Variants in ENOX1 observed in about 807,000 individuals in gnomAD.
ENOX1 encodes the protein candidate growth-related and time keeping constitutive hydroquinone (NADH) oxidase.
In ENOX1, 42 loss-of-function variants were observed where a neutral mutation model predicts 82.5. The observed-to-expected ratio is 0.51, with a 90% CI of 0.40 to 0.66. ENOX1 has a LOEUF of 0.66. Among genes scored for constraint, ENOX1 ranks in the 30% least tolerant of loss-of-function variants. The pLI is 0.00. For synonymous variants in ENOX1, 271 were observed against 282.2 expected, an observed-to-expected ratio of 0.96 and a Z score of 0.40; for missense variants, 608 against 811.6, an observed-to-expected ratio of 0.75 and a Z score of 3.05.
chr13:43,486,221 C>A (rs527245389), intron 2 of ENOX1, among the ~76,000 whole-genome samples: 1 of 151,718 alleles, frequency 6.6e-6, no homozygotes, highest in African/African-American at 2.4e-5. Flanking sequence ...AAAACAAAAA[C>A]AAAAAACAAA....
intron 12 of ENOX1, among the ~76,000 whole-genome samples, chr13:43,282,944 T>C (rs543324004): frequency 3.3e-5 from 5 of 151,788 alleles, no homozygotes; most frequent in African/African-American, 9.7e-5. Context: ...AATACAAAAT[T>C]AGCTGGGCAT....
At position 43,530,307 on chromosome 13, in the gene ENOX1, A is replaced by C. The variant is rs899406562; in HGVS notation, c.-218-46155T>G. ...GGAGTAGAATTTTTCCAAAAGAATC[A>C]GAGCTGTACAAAGGAAAGGTGCTTC... On this transcript the variant is annotated intron_variant, in intron 2 of 16. Coordinates refer to ENST00000690772, the MANE Select transcript of ENOX1 (RefSeq NM_001347969.2). Among the ~76,000 whole-genome samples the C allele has an allele frequency of 1.1e-4, 17 of 152,174 alleles. No homozygotes were observed. The East Asian group carries it at 3.3e-3, about 29-fold the overall frequency.
intron 15 of ENOX1, among the ~76,000 whole-genome samples, chr13:43,232,489 C>A (rs1373258147): frequency 1.3e-5 from 2 of 152,138 alleles, no homozygotes; most frequent in Non-Finnish European, 2.9e-5. Context: ...CTGAAATCAC[C>A]AAAAATTATT....
chr13:43,448,141 T>A (rs1039464690), intron 3 of ENOX1, among the ~76,000 whole-genome samples: 2 of 152,256 alleles, frequency 1.3e-5, no homozygotes, highest in African/African-American at 4.8e-5. Flanking sequence ...GCTTTGATTT[T>A]ATCAGCATTT....
intron 5 of ENOX1, among the ~76,000 whole-genome samples, chr13:43,387,873 C>T (rs941162610): frequency 3.3e-5 from 5 of 152,022 alleles, no homozygotes; most frequent in African/African-American, 4.8e-5. Flanking sequence ...GACAAGGATT[C>T]ATACTAGAGA....
At chr13:43,503,030 A>G (rs2077036785) in intron 2 of ENOX1, among the ~76,000 whole-genome samples, 1 of 151,670 alleles carries the variant, frequency 6.6e-6, no homozygotes, top group African/African-American at 2.4e-5. Flanking sequence ...TACAGGTTGT[A>G]AAAATCAACA....
At chr13:43,285,907 C>T (rs1353214433) in intron 12 of ENOX1, among the ~76,000 whole-genome samples, 2 of 150,738 alleles carry the variant, frequency 1.3e-5, no homozygotes, top group Non-Finnish European at 3.0e-5. Context: ...AAATTTCTCC[C>T]TGCATTTTCT....
chr13:43,619,233 TTTCTC>T (rs1407969182), intron 2 of ENOX1, among the ~76,000 whole-genome samples: 1 of 152,118 alleles, frequency 6.6e-6, no homozygotes, highest in East Asian at 1.9e-4. Flanking sequence ...CCTTTATTTC[TTTCTC>T]TTGTCTGATT....
intron 12 of ENOX1, among the ~76,000 whole-genome samples, chr13:43,284,922 A>T (rs1413281893): frequency 6.6e-6 from 1 of 152,098 alleles, no homozygotes; most frequent in African/African-American, 2.4e-5. Flanking sequence ...AAGAGGAGAT[A>T]GAAATATGTA....
At chr13:43,414,644 A>C (rs990218606) in intron 3 of ENOX1, among the ~76,000 whole-genome samples, 2 of 152,268 alleles carry the variant, frequency 1.3e-5, no homozygotes, top group African/African-American at 4.8e-5. Flanking sequence ...GTAGCAAGGC[A>C]GAGTCAGGCT....
At chr13:43,512,429 C>T (rs766255695) in intron 2 of ENOX1, among the ~76,000 whole-genome samples, 1 of 152,004 alleles carries the variant, frequency 6.6e-6, no homozygotes, top group Non-Finnish European at 1.5e-5. Context: ...TGTGAGCTGC[C>T]GAATGGCACA....
intron 2 of ENOX1, among the ~76,000 whole-genome samples, chr13:43,489,980 G>A (rs550337901): frequency 3.2e-4 from 48 of 152,168 alleles, no homozygotes; most frequent in African/African-American, 1.1e-3. Flanking sequence ...GCTCTGTCAC[G>A]CAGGCTGGAA....
intron 2 of ENOX1, among the ~76,000 whole-genome samples, chr13:43,625,898 G>A (rs115723929): frequency 0.011 from 1,717 of 151,994 alleles, 22 homozygotes; most frequent in African/African-American, 0.034. Flanking sequence ...TTTTCTGGAA[G>A]AGACTCTGTA....
intron 2 of ENOX1, among the ~76,000 whole-genome samples, chr13:43,631,230 G>A (rs993101118): frequency 1.3e-5 from 2 of 152,094 alleles, no homozygotes; most frequent in Non-Finnish European, 2.9e-5. Flanking sequence ...AGGGTAGACT[G>A]CTAGAATTTG....
rs1290938098 is a variant in ENOX1, at chr13:43,603,383, T to G, written c.-219+64096A>C. Among the ~76,000 whole-genome samples the G allele has an allele frequency of 3.3e-5, 5 of 151,300 alleles. No individual in the cohort carries two copies. The East Asian group carries it at 9.7e-4, about 29-fold the overall frequency. ...TTTTCCTTTTATTTATTTTATTTAT[T>G]TATTTATTTTATTATTATTATACTT... On this transcript the variant is annotated intron_variant, in intron 2 of 16. Coordinates refer to ENST00000690772, the MANE Select transcript of ENOX1 (RefSeq NM_001347969.2).
At chr13:43,576,052 T>C (rs1162731061) in intron 2 of ENOX1, among the ~76,000 whole-genome samples, 3 of 152,218 alleles carry the variant, frequency 2.0e-5, no homozygotes, top group Non-Finnish European at 2.9e-5. Flanking sequence ...AAAAAGTATT[T>C]TCTTCAATTA....
chr13:43,358,321 C>T (rs2050276612), intron 7 of ENOX1, among the ~76,000 whole-genome samples: 1 of 152,018 alleles, frequency 6.6e-6, no homozygotes, highest in Admixed American at 6.5e-5. Flanking sequence ...TGTGCAGGTC[C>T]ACTTATAGGT....
intron 2 of ENOX1, among the ~76,000 whole-genome samples, chr13:43,609,234 T>C (rs1212096210): frequency 6.6e-6 from 1 of 152,208 alleles, no homozygotes; most frequent in Non-Finnish European, 1.5e-5. Context: ...TTTGTATGTA[T>C]CTGTGAATGA....
chr13:43,471,116 A>G (rs2058048085), intron 3 of ENOX1, among the ~76,000 whole-genome samples: 2 of 152,182 alleles, frequency 1.3e-5, no homozygotes, highest in African/African-American at 4.8e-5. Flanking sequence ...GGATAAACAA[A>G]TTGGTAAAAT....
Sources: allele counts gnomAD v4.1 joint callset (sites outside exome capture counted in the v4.1 genomes callset), GRCh38; gene constraint gnomAD v4.1.1; transcripts MANE v1.5; gene names NCBI Gene and HGNC (gene_info 2026-07-23, HGNC 2026-07-21).